The following CHST11 variants were observed in gnomAD, a reference collection of about 807,000 sequenced individuals.
CHST11 encodes C4S-1.
In CHST11, 9 loss-of-function variants were observed where a neutral mutation model predicts 30.4. The ratio of observed to expected loss-of-function variants is 0.30; its 90% CI spans 0.18 to 0.52. The LOEUF is 0.52. Ranked by LOEUF, CHST11 falls within the 20% of genes least tolerant of loss-of-function variation. CHST11 has a pLI of 0.97. For missense variants in CHST11, 348 were observed against 460.6 expected, an observed-to-expected ratio of 0.76 and a Z score of 2.24; for synonymous variants, 152 against 187.8, an observed-to-expected ratio of 0.81 and a Z score of 1.56.
At chr12:104,609,399 A>G (rs1218559183) in intron 2 of CHST11, among the ~76,000 whole-genome samples, 1 of 152,246 alleles carries the variant, frequency 6.6e-6, no homozygotes, top group Non-Finnish European at 1.5e-5. Flanking sequence ...GCAAATTACA[A>G]TAGACTAGCG....
intron 1 of CHST11, among the ~76,000 whole-genome samples, chr12:104,516,140 G>C (rs148492315): frequency 1.3e-5 from 2 of 152,294 alleles, no homozygotes; most frequent in Admixed American, 1.3e-4. Flanking sequence ...GCTGGAAGCT[G>C]TCCTGTGCAA....
chr12:104,669,146 T>G lies in CHST11; in HGVS notation c.204+67155T>G, dbSNP rs1407002010. Among the ~76,000 whole-genome samples, 4 of 152,162 alleles carry G rather than the reference T, an allele frequency of 2.6e-5. No individual in the cohort carries two copies. In the East Asian group the frequency reaches 7.7e-4, roughly 29 times the overall value. ...GGCTCGCACAATCGCCCGCTGTGTC[T>G]CCTGCCAGCCAGCTGGGTGAATGTT... On this transcript the variant is annotated intron_variant, in intron 2 of 2. Transcript: ENST00000303694.
Position 104,756,133 on chromosome 12 carries a change from TC to T in CHST11, c.205-814del, listed in dbSNP as rs761610306. Among the ~76,000 whole-genome samples the T allele has an allele frequency of 3.9e-5, 6 of 152,278 alleles. No individual in the cohort carries two copies. The East Asian group carries it at 1.2e-3, about 29-fold the overall frequency. On this transcript the variant is annotated intron_variant, in intron 2 of 2. Coordinates refer to ENST00000303694, the MANE Select transcript of CHST11 (RefSeq NM_018413.6). Reference sequence around the variant, plus strand: ...TAACTTTAATCACAATTAATATTATTCCATTTATATAAAAGAAGGACCATAC... The same window carrying T: ...TAACTTTAATCACAATTAATATTATTCATTTATATAAAAGAAGGACCATAC...
chr12:104,602,008 C>A lies in CHST11; in HGVS notation c.204+17C>A. 6.3e-7 allele frequency: 1 copy of A among 1,579,694 alleles called. No homozygotes were observed. Among genetic ancestry groups the A allele is most frequent in the Non-Finnish European group, 8.6e-7 (1 of 1,163,072 alleles). On this transcript the variant is annotated intron_variant, in intron 2 of 2. Coordinates refer to ENST00000303694, the MANE Select transcript of CHST11 (RefSeq NM_018413.6). ...CCAATCCAGGTAAGCTTCAAGCACT[C>A]TGTCAGCATGTGAATTTTTTTTTTT...
chr12:104,507,465 G>A (rs896196392), intron 1 of CHST11, among the ~76,000 whole-genome samples: 1 of 152,228 alleles, frequency 6.6e-6, no homozygotes, highest in Non-Finnish European at 1.5e-5. Flanking sequence ...TGCTAGCCAT[G>A]TCATCTTGAT....
At chr12:104,534,492 G>T (rs1704923) in intron 1 of CHST11, among the ~76,000 whole-genome samples, 4 of 152,118 alleles carry the variant, frequency 2.6e-5, no homozygotes, top group African/African-American at 9.7e-5. Context: ...TAGTGATTTC[G>T]ATTTCAATGA....
At chr12:104,547,178 G>C (rs184258398) in intron 1 of CHST11, among the ~76,000 whole-genome samples, 3 of 152,210 alleles carry the variant, frequency 2.0e-5, no homozygotes, top group African/African-American at 7.2e-5. Context: ...GGTACAAATC[G>C]TAAGATCTTC....
intron 2 of CHST11, among the ~76,000 whole-genome samples, chr12:104,752,363 C>T (rs2040439253): frequency 6.6e-6 from 1 of 152,156 alleles, no homozygotes. Flanking sequence ...TAACTAATTA[C>T]ACCTGCAAAA....
chr12:104,713,220 C>T (rs922693374), intron 2 of CHST11, among the ~76,000 whole-genome samples: 1 of 152,140 alleles, frequency 6.6e-6, no homozygotes, highest in Admixed American at 6.5e-5. Context: ...CCACCCCGGG[C>T]CCTCCTCCGA....
At chr12:104,544,769 T>TCCCCCCCCGCCGC (rs199741884) in intron 1 of CHST11, among the ~76,000 whole-genome samples, 3 of 51,478 alleles carry the variant, frequency 5.8e-5, no homozygotes, top group African/African-American at 1.6e-4. Flanking sequence ...GGGGTCACAG[T>TCCCCCCCCGCCGC]CCCCCCACCC....
In CHST11 at chr12:104,616,842, A is replaced by G. The variant is rs549815543; in HGVS notation, c.204+14851A>G. Among the ~76,000 whole-genome samples the G allele has an allele frequency of 8.0e-4, 122 of 152,334 alleles. 1 individual carries two copies. The highest frequency in any genetic ancestry group is 2.7e-3 in the African/African-American group (113 of 41,578). ...GCCTTCTTAGAGCCTGGGAGGCCCT[A>G]GAAGAAGCAACCCTCAAGTAGGTTA... On this transcript the variant is annotated intron_variant, in intron 2 of 2. Coordinates refer to ENST00000303694, the MANE Select transcript of CHST11 (RefSeq NM_018413.6).
intron 2 of CHST11, among the ~76,000 whole-genome samples, chr12:104,704,083 C>T (rs1282902927): frequency 6.6e-6 from 1 of 152,164 alleles, no homozygotes; most frequent in Non-Finnish European, 1.5e-5. Flanking sequence ...AAACGTTCGT[C>T]GAACGGAAGG....
At chr12:104,631,535 C>T (rs2039270555) in intron 2 of CHST11, among the ~76,000 whole-genome samples, 1 of 152,068 alleles carries the variant, frequency 6.6e-6, no homozygotes, top group African/African-American at 2.4e-5. Context: ...TGGGAAGTTA[C>T]CTCTTCATGG....
intron 2 of CHST11, among the ~76,000 whole-genome samples, chr12:104,745,652 A>C (rs2040384264): frequency 6.6e-6 from 1 of 151,740 alleles, no homozygotes; most frequent in Admixed American, 6.6e-5. Flanking sequence ...GAGATCTTTC[A>C]CCTCCCTGGT....
chr12:104,680,277 C>T (rs936366586), intron 2 of CHST11, among the ~76,000 whole-genome samples: 1 of 152,240 alleles, frequency 6.6e-6, no homozygotes, highest in African/African-American at 2.4e-5. Context: ...CCTCTCAACA[C>T]TGGAGTGACA....
intron 1 of CHST11, among the ~76,000 whole-genome samples, chr12:104,584,173 TCA>T (rs2038777824): frequency 6.6e-6 from 1 of 152,200 alleles, no homozygotes; most frequent in Non-Finnish European, 1.5e-5. Flanking sequence ...TGTTGAGTCA[TCA>T]TTTTTAGTGG....
rs2040530141 is a variant in CHST11, at chr12:104,761,964, C to T, written c.*4161C>T. On this transcript the variant is annotated 3_prime_UTR_variant, in exon 3 of 3. Transcript: ENST00000303694. Reference sequence around the variant, plus strand: ...GAACCTTCCTCCAGGAAAAGCCATTCAAGCCTGATTATTTTTCTAAGTAAC... The same window carrying T: ...GAACCTTCCTCCAGGAAAAGCCATTTAAGCCTGATTATTTTTCTAAGTAAC... The T allele has an allele frequency of 6.6e-6, 1 of 152,180 alleles. No homozygotes were observed. Among genetic ancestry groups the T allele is most frequent in the South Asian group, 2.1e-4 (1 of 4,828 alleles). The allele number at this position is 152,180 out of a possible 1,614,324, so 9.4% of individuals were successfully genotyped here. A position where few individuals can be genotyped will look rare whatever the true frequency, so the allele number is the denominator to read the frequency against.
chr12:104,533,699 G>A lies in CHST11; in HGVS notation c.119-68207G>A, dbSNP rs529165629. Among the ~76,000 whole-genome samples the A allele has an allele frequency of 7.2e-5, 11 of 152,304 alleles. No homozygotes were observed. In the East Asian group the frequency reaches 2.1e-3, roughly 29 times the overall value. On this transcript the variant is annotated intron_variant, in intron 1 of 2. Transcript: ENST00000303694. ...ACTGTGCTCCCAGAAGACACTTGGA[G>A]TCTTAGATGGTTCATGGATCATTAT...
At chr12:104,511,736 C>T (rs1251584579) in intron 1 of CHST11, among the ~76,000 whole-genome samples, 2 of 152,166 alleles carry the variant, frequency 1.3e-5, no homozygotes, top group Non-Finnish European at 2.9e-5. Context: ...CACTTGGAGA[C>T]TAGGCACACT....
Sources: allele counts gnomAD v4.1 joint callset (sites outside exome capture counted in the v4.1 genomes callset), GRCh38; gene constraint gnomAD v4.1.1; transcripts MANE v1.5; gene names NCBI Gene and HGNC (gene_info 2026-07-23, HGNC 2026-07-21).